The following NPAS3 variants were observed in gnomAD, a reference collection of about 807,000 sequenced individuals.
NPAS3 encodes the protein neuronal PAS domain-containing protein 3.
NPAS3 carries 14 observed loss-of-function variants against 73.1 expected under a neutral mutation model. That is an observed-to-expected ratio of 0.19 (90% CI 0.13 to 0.30). The LOEUF (loss-of-function observed/expected upper bound fraction) is 0.30. NPAS3 is among the 10% of genes least tolerant of loss of function. NPAS3 has a pLI of 1.00. For synonymous variants in NPAS3, 620 were observed against 541.5 expected (o/e 1.14, Z -2.01); for missense variants, 1,096 against 1,250.0 (o/e 0.88, Z 1.86).
intron 5 of NPAS3, among the ~76,000 whole-genome samples, chr14:33,622,055 T>A (rs528243291): frequency 3.9e-5 from 6 of 152,350 alleles, no homozygotes; most frequent in South Asian, 2.1e-4. Flanking sequence ...TCCAGCAGCC[T>A]GAGCAGAAAT....
chr14:32,934,842 G>A (rs1252631012), upstream of NPAS3: 7 of 498,444 alleles, frequency 1.4e-5, no homozygotes, highest in Non-Finnish European at 1.8e-5. The surrounding 1 kb of genome is among the most constrained non-coding windows in gnomAD (Gnocchi z 4.1). Context: ...CCGAAGCCGC[G>A]GCGATGATCC....
intron 4 of NPAS3, among the ~76,000 whole-genome samples, chr14:33,402,631 G>A (rs2047494871): frequency 1.3e-5 from 2 of 152,142 alleles, no homozygotes; most frequent in South Asian, 4.1e-4. Context: ...TCAACTAAAT[G>A]GTCTCTGCTG....
At chr14:33,445,255 TA>T (rs2049433630) in intron 4 of NPAS3, among the ~76,000 whole-genome samples, 1 of 152,248 alleles carries the variant, frequency 6.6e-6, no homozygotes, top group Non-Finnish European at 1.5e-5. Flanking sequence ...TTTATGCTAA[TA>T]TTTAAGTTCA....
chr14:33,541,151 T>C (rs2054500118), intron 4 of NPAS3, among the ~76,000 whole-genome samples: 1 of 150,198 alleles, frequency 6.7e-6, no homozygotes, highest in Non-Finnish European at 1.5e-5. Flanking sequence ...ACATTAGTAA[T>C]AGGAACACAC....
intron 3 of NPAS3, among the ~76,000 whole-genome samples, chr14:33,284,274 G>A (rs910977052): frequency 6.6e-6 from 1 of 151,652 alleles, no homozygotes; most frequent in Admixed American, 6.6e-5. Flanking sequence ...TGTATTTTGG[G>A]GTCATACTTT....
At chr14:33,672,430 T>C (rs1395921522) in intron 5 of NPAS3, among the ~76,000 whole-genome samples, 2 of 152,216 alleles carry the variant, frequency 1.3e-5, no homozygotes, top group African/African-American at 4.8e-5. Context: ...ACAAAATGTT[T>C]GTAATATACC....
rs1024367600 is a variant in NPAS3 at position 33,385,770 on chromosome 14, C to T, written c.468+18502C>T. Reference sequence around the variant, plus strand: ...TTCTCTGGAGTTGCACATATGGGTCCTGCATCTGCTCGGGTTATGTCACTA... The same window carrying T: ...TTCTCTGGAGTTGCACATATGGGTCTTGCATCTGCTCGGGTTATGTCACTA... On this transcript the variant is annotated intron_variant, in intron 4 of 11. Coordinates refer to ENST00000356141, the Ensembl canonical transcript of NPAS3. Among the ~76,000 whole-genome samples, 7 of 152,138 alleles carry T rather than the reference C, an allele frequency of 4.6e-5. No homozygotes were observed. In the South Asian group the frequency reaches 1.0e-3, roughly 23 times the overall value.
At chr14:33,605,539 G>T (rs555590013) in intron 5 of NPAS3, among the ~76,000 whole-genome samples, 55 of 151,864 alleles carry the variant, frequency 3.6e-4, no homozygotes, top group African/African-American at 8.7e-4. Context: ...TAGCAAAATT[G>T]CAGGATACAA....
chr14:33,616,802 T>C (rs1431112413), intron 5 of NPAS3, among the ~76,000 whole-genome samples: 1 of 152,200 alleles, frequency 6.6e-6, no homozygotes, highest in Non-Finnish European at 1.5e-5. Flanking sequence ...TAAAACATAG[T>C]GATCTGTCAT....
chr14:33,524,301 A>G (rs989387336), intron 4 of NPAS3, among the ~76,000 whole-genome samples: 2 of 152,124 alleles, frequency 1.3e-5, no homozygotes, highest in African/African-American at 4.8e-5. Context: ...CTGCTATACT[A>G]TCGGATTTTT....
At position 33,154,077 on chromosome 14, in the gene NPAS3, T is replaced by C. The variant is rs79738748; in HGVS notation, c.141-61105T>C. On this transcript the variant is annotated intron_variant, in intron 2 of 11. Transcript: ENST00000356141. ...GTACAAATATTTAGAGATCTCTTTA[T>C]GGAAAAATATAGGTAGAATTGGCCT... Among the ~76,000 whole-genome samples the C allele has an allele frequency of 4.2e-3, 634 of 152,324 alleles. 7 individuals are homozygous for C. The highest frequency in any genetic ancestry group is 0.014 in the African/African-American group (599 of 41,580).
At chr14:33,260,855 T>G (rs1365161798) in intron 3 of NPAS3, among the ~76,000 whole-genome samples, 1 of 152,200 alleles carries the variant, frequency 6.6e-6, no homozygotes, top group Non-Finnish European at 1.5e-5. Context: ...CTACAATGAC[T>G]ATATTTTGCC....
At chr14:33,476,019 C>T (rs17101325) in intron 4 of NPAS3, among the ~76,000 whole-genome samples, 1 of 152,096 alleles carries the variant, frequency 6.6e-6, no homozygotes, top group African/African-American at 2.4e-5. Flanking sequence ...TGCGCTTTCC[C>T]TGGTGAAGAA....
At position 33,733,783 on chromosome 14, in the gene NPAS3, G is replaced by A. The variant is rs190896870; in HGVS notation, c.734-1431G>A. 5.0e-3 allele frequency among the ~76,000 whole-genome samples: 759 copies of A among 152,024 alleles called. 3 individuals are homozygous for A. The highest frequency in any genetic ancestry group is 0.017 in the Middle Eastern group (5 of 294). On this transcript the variant is annotated intron_variant, in intron 6 of 11. Transcript: ENST00000356141. ...TCATGCTCTCTAAAACAAAAAAAAA[G>A]AGGAAAACCTTAAGAGAGACACATA...
At chr14:33,671,084 T>C (rs1431474486) in intron 5 of NPAS3, among the ~76,000 whole-genome samples, 1 of 152,216 alleles carries the variant, frequency 6.6e-6, no homozygotes, top group African/African-American at 2.4e-5. Context: ...ATGGCCTTTC[T>C]TTATCTAAGC....
intron 4 of NPAS3, among the ~76,000 whole-genome samples, chr14:33,381,245 A>G (rs2046538946): frequency 6.6e-6 from 1 of 152,202 alleles, no homozygotes; most frequent in Non-Finnish European, 1.5e-5. Flanking sequence ...TAAAAGCCCA[A>G]TCCAGCATTT....
intron 4 of NPAS3, among the ~76,000 whole-genome samples, chr14:33,430,112 G>A (rs2048720797): frequency 6.6e-6 from 1 of 152,088 alleles, no homozygotes; most frequent in Non-Finnish European, 1.5e-5. Context: ...AGGAAAACGA[G>A]GCTTGATGAG....
intron 5 of NPAS3, among the ~76,000 whole-genome samples, chr14:33,612,199 C>T (rs2057771204): frequency 6.6e-6 from 1 of 152,128 alleles, no homozygotes. Flanking sequence ...TCAGAAGGCC[C>T]CTGCCGGGGA....
intron 3 of NPAS3, among the ~76,000 whole-genome samples, chr14:33,348,149 C>G (rs2044837574): frequency 6.6e-6 from 1 of 152,172 alleles, no homozygotes; most frequent in Non-Finnish European, 1.5e-5. Context: ...AGGAGGAAAT[C>G]AAGACTCAGC....
Sources: gnomAD v4.1 joint callset for allele counts (sites outside exome capture counted in the v4.1 genomes callset) on GRCh38, gnomAD v4.1.1 for gene constraint, Gnocchi (gnomAD v3.1) non-coding constraint, MANE v1.5 for transcripts, NCBI Gene and HGNC (gene_info 2026-07-23, HGNC 2026-07-21) for gene names.